Variants in ARSB observed in about 807,000 individuals in gnomAD.
ARSB encodes the protein N-acetylgalactosamine-4-sulfatase.
A neutral mutation model predicts 50.9 loss-of-function variants in ARSB; 41 were observed. The ratio of observed to expected loss-of-function variants is 0.81; its 90% confidence interval spans 0.63 to 1.04. The LOEUF (loss-of-function observed/expected upper bound fraction) is 1.04. Ranked by LOEUF, ARSB falls within the 50% of genes least tolerant of loss-of-function variation. ARSB has a pLI of 0.00. For missense variants in ARSB, 672 were observed against 693.3 expected, an observed-to-expected ratio of 0.97 and a Z score of 0.35; for synonymous variants, 269 against 284.8, an observed-to-expected ratio of 0.94 and a Z score of 0.56.
rs530369768 is a variant in ARSB, at chr5:78,803,690, A to G, written c.1214-21716T>C. Among the ~76,000 whole-genome samples, 4 of 152,352 alleles carry G rather than the reference A, an allele frequency of 2.6e-5. No homozygotes were observed. In the East Asian group the frequency reaches 7.7e-4, roughly 29 times the overall value. Reference sequence around the variant, plus strand: ...GCTTCCCTGCTCAGGCTGCTTTCCTAGTCGATCCAGCCCAGAGCCCTTGCA... The same window carrying G: ...GCTTCCCTGCTCAGGCTGCTTTCCTGGTCGATCCAGCCCAGAGCCCTTGCA... On this transcript the variant is annotated intron_variant, in intron 6 of 7. Coordinates refer to ENST00000264914, the MANE Select transcript of ARSB (RefSeq NM_000046.5).
In ARSB at chr5:78,970,679, C is replaced by T. The variant is rs76683942; in HGVS notation, c.313-1487G>A. ...CAAAAGAAAGCTTCTCTGGGCCAGG[C>T]GGGGTGGCTTATCCCTACAATCCCA... On this transcript the variant is annotated intron_variant, in intron 1 of 7. Transcript: ENST00000264914. Among the ~76,000 whole-genome samples the T allele has an allele frequency of 8.3e-3, 1,258 of 152,220 alleles. 18 individuals are homozygous for T. Among genetic ancestry groups the T allele is most frequent in the African/African-American group, 0.029 (1,218 of 41,530 alleles).
chr5:78,843,339 C>T (rs1256456388), intron 5 of ARSB, among the ~76,000 whole-genome samples: 1 of 152,196 alleles, frequency 6.6e-6, no homozygotes, highest in Non-Finnish European at 1.5e-5. Context: ...AGTCCTTCCA[C>T]ATGGGATCTC....
At chr5:78,944,740 G>A (rs1580105430) in intron 4 of ARSB, among the ~76,000 whole-genome samples, 1 of 152,224 alleles carries the variant, frequency 6.6e-6, no homozygotes. Context: ...CCCACTTGAG[G>A]AGGCAGTCTG....
At chr5:78,804,836 C>G (rs1473991164) in intron 6 of ARSB, among the ~76,000 whole-genome samples, 1 of 152,202 alleles carries the variant, frequency 6.6e-6, no homozygotes, top group Admixed American at 6.5e-5. Flanking sequence ...CTGCCCCGTG[C>G]TCCATGCATC....
At position 78,870,318 on chromosome 5, in the gene ARSB, T is replaced by G. The variant is rs78548344; in HGVS notation, c.1142+15266A>C. On this transcript the variant is annotated intron_variant, in intron 5 of 7. Coordinates refer to ENST00000264914, the MANE Select transcript of ARSB (RefSeq NM_000046.5). Reference sequence around the variant, plus strand: ...AATCCTCCCTAACTCATTTTATGAGTCCAGCATCATCCTGATACCAAAGCC... The same window carrying G: ...AATCCTCCCTAACTCATTTTATGAGGCCAGCATCATCCTGATACCAAAGCC... Among the ~76,000 whole-genome samples the G allele has an allele frequency of 9.8e-4, 68 of 69,710 alleles. 4 individuals carry two copies. The highest frequency in any genetic ancestry group is 2.5e-3 in the South Asian group (5 of 1,970). 45.7% of individuals were successfully genotyped at this position (69,710 alleles called of 152,430 possible).
At chr5:78,961,184 T>C (rs73771326) in intron 3 of ARSB, among the ~76,000 whole-genome samples, 8,097 of 152,274 alleles carry the variant, frequency 0.053, 558 homozygotes, top group African/African-American at 0.16. Flanking sequence ...CTATATATAG[T>C]ACCTGAGAAA....
Position 78,864,782 on chromosome 5 carries a change from G to A in ARSB, c.1142+20802C>T, listed in dbSNP as rs187613115. On this transcript the variant is annotated intron_variant, in intron 5 of 7. Transcript: ENST00000264914. ...GGGGATACAGACATTGGGTAAATCCGACCATTCCAAATGGGAGAAATTGGC... is the reference window on the plus strand; with the variant it reads ...GGGGATACAGACATTGGGTAAATCCAACCATTCCAAATGGGAGAAATTGGC... 1.8e-4 allele frequency among the ~76,000 whole-genome samples: 28 copies of A among 152,278 alleles called. 1 individual carries two copies. The highest frequency in any genetic ancestry group is 1.3e-4 in the Admixed American group (2 of 15,288).
At chr5:78,900,511 G>A (rs1051846653) in intron 4 of ARSB, among the ~76,000 whole-genome samples, 10 of 152,030 alleles carry the variant, frequency 6.6e-5, no homozygotes, top group African/African-American at 9.7e-5. Context: ...GTAGGGGAGG[G>A]GACTCGCAGA....
Position 78,779,298 on chromosome 5 carries a change from G to C in ARSB, c.*1099C>G, listed in dbSNP as rs907870506. On this transcript the variant is annotated 3_prime_UTR_variant, in exon 8 of 8. Transcript: ENST00000264914. ...TAAAACAGAGAATAAGAGGACTGTG[G>C]GTGTGCCCTCCTCTGCTTTACCAAG... 6.6e-6 allele frequency: 1 copy of C among 151,988 alleles called. No homozygotes were observed. The highest frequency in any genetic ancestry group is 1.5e-5 in the Non-Finnish European group (1 of 68,000). The allele number at this position is 151,988 out of a possible 1,614,324, so 9.4% of individuals were successfully genotyped here. A position where few individuals can be genotyped will look rare whatever the true frequency, so the allele number is the denominator to read the frequency against.
At chr5:78,886,178 A>G (rs1298467429) in intron 4 of ARSB, among the ~76,000 whole-genome samples, 1 of 152,210 alleles carries the variant, frequency 6.6e-6, no homozygotes, top group East Asian at 1.9e-4. Flanking sequence ...GAATGAGTCC[A>G]TGGAAGCTGG....
intron 4 of ARSB, among the ~76,000 whole-genome samples, chr5:78,943,305 G>C (rs1365277940): frequency 6.6e-6 from 1 of 152,156 alleles, no homozygotes; most frequent in African/African-American, 2.4e-5. Context: ...TGTTATGTGT[G>C]AATTTGATCC....
At chr5:78,893,956 A>T (rs1301702408) in intron 4 of ARSB, among the ~76,000 whole-genome samples, 1 of 152,146 alleles carries the variant, frequency 6.6e-6, no homozygotes, top group Admixed American at 6.5e-5. Context: ...AGGCAAACTA[A>T]TTTTTTTGGC....
At chr5:78,858,932 G>A (rs913936749) in intron 5 of ARSB, among the ~76,000 whole-genome samples, 1 of 152,200 alleles carries the variant, frequency 6.6e-6, no homozygotes, top group Non-Finnish European at 1.5e-5. Context: ...ATTTGTTACA[G>A]ACAAATGTAA....
At chr5:78,953,856 T>C (rs1426289275) in intron 4 of ARSB, among the ~76,000 whole-genome samples, 1 of 152,072 alleles carries the variant, frequency 6.6e-6, no homozygotes, top group East Asian at 1.9e-4. Flanking sequence ...AAAAAGTATA[T>C]ACATACATAT....
At chr5:78,947,344 G>A (rs1336462407) in intron 4 of ARSB, among the ~76,000 whole-genome samples, 1 of 152,090 alleles carries the variant, frequency 6.6e-6, no homozygotes, top group Non-Finnish European at 1.5e-5. Flanking sequence ...GAAGAGATAA[G>A]CCATGGAATG....
intron 6 of ARSB, among the ~76,000 whole-genome samples, chr5:78,814,332 C>T (rs1743915875): frequency 6.6e-6 from 1 of 150,952 alleles, no homozygotes; most frequent in Admixed American, 6.6e-5. Context: ...TTTTTACATG[C>T]ACATCTGCGA....
At chr5:78,983,109 A>G (rs1752983948) in intron 1 of ARSB, among the ~76,000 whole-genome samples, 1 of 152,164 alleles carries the variant, frequency 6.6e-6, no homozygotes, top group African/African-American at 2.4e-5. Flanking sequence ...GCTGGAGTGC[A>G]GTGGTGCGAT....
At chr5:78,942,201 C>T (rs55763516) in intron 4 of ARSB, among the ~76,000 whole-genome samples, 1 of 152,228 alleles carries the variant, frequency 6.6e-6, no homozygotes, top group Non-Finnish European at 1.5e-5. Flanking sequence ...TGCTAGCGGT[C>T]TATCAATTTT....
In ARSB at chr5:78,805,487, T is replaced by C. The variant is rs1011259217; in HGVS notation, c.1214-23513A>G. 2.0e-5 allele frequency among the ~76,000 whole-genome samples: 3 copies of C among 152,354 alleles called. No individual in the cohort carries two copies. In the East Asian group the frequency reaches 5.8e-4, roughly 29 times the overall value. On this transcript the variant is annotated intron_variant, in intron 6 of 7. Transcript: ENST00000264914. The stretch of plus-strand genomic sequence containing the variant: ...ATTGTTACTTCTAATTGTTTTTCCT[T>C]CTATCCACCCTCCACCACTCCAGGA...
Sources: allele counts gnomAD v4.1 joint callset (sites outside exome capture counted in the v4.1 genomes callset), GRCh38; gene constraint gnomAD v4.1.1; transcripts MANE v1.5; gene names NCBI Gene and HGNC (gene_info 2026-07-23, HGNC 2026-07-21).